Variants in KLF12 observed in about 807,000 individuals in gnomAD.
KLF12 encodes the protein KLF transcription factor 12.
In KLF12, 9 loss-of-function variants were observed where a neutral mutation model predicts 37.8. The observed-to-expected ratio is 0.24, with a 90% CI of 0.14 to 0.42. The LOEUF (loss-of-function observed/expected upper bound fraction) is 0.42. KLF12 is among the 10% of genes least tolerant of loss of function. The probability of loss-of-function intolerance (pLI) is 1.00; values close to 1 mark genes in which losing one functional copy is unlikely to be tolerated. For synonymous variants in KLF12, 208 were observed against 202.1 expected (o/e 1.03, Z -0.25); for missense variants, 411 against 516.0 (o/e 0.80, Z 1.97).
At chr13:73,771,596 G>C (rs921583185) in intron 5 of KLF12, among the ~76,000 whole-genome samples, 2 of 152,218 alleles carry the variant, frequency 1.3e-5, no homozygotes, top group African/African-American at 4.8e-5. Context: ...ATCAGTAATT[G>C]AACATTATTA....
Position 74,042,708 on chromosome 13 carries a change from G to C in KLF12, c.-31-47655C>G, listed in dbSNP as rs532466441. On this transcript the variant is annotated intron_variant, in intron 1 of 7. Transcript: ENST00000377669. ...TCCAAAAGGGTAATAAAATAATTCA[G>C]CAGGTCTTCATAAATATGAAATATT... 5.3e-5 allele frequency among the ~76,000 whole-genome samples: 8 copies of C among 152,286 alleles called. No homozygotes were observed. The East Asian group carries it at 1.4e-3, about 26-fold the overall frequency.
intron 3 of KLF12, among the ~76,000 whole-genome samples, chr13:73,861,806 T>C (rs1885940043): frequency 6.6e-6 from 1 of 152,178 alleles, no homozygotes; most frequent in Non-Finnish European, 1.5e-5. Context: ...TGAATACGGC[T>C]TAGGTACTGG....
At chr13:74,204,313 G>A in the KLF12 span, among the ~76,000 whole-genome samples, 2 of 152,114 alleles carry the variant, frequency 1.3e-5, no homozygotes, top group African/African-American at 4.8e-5. Flanking sequence ...TTGTATAAAT[G>A]TAAGGGTTAC....
chr13:74,172,895 T>C, the KLF12 span, among the ~76,000 whole-genome samples: 2 of 152,214 alleles, frequency 1.3e-5, no homozygotes, highest in Admixed American at 1.3e-4. Flanking sequence ...GATCAACATC[T>C]AAATATATAC....
intron 2 of KLF12, among the ~76,000 whole-genome samples, chr13:73,957,394 CA>C (rs758758985): frequency 5.1e-4 from 78 of 152,112 alleles, no homozygotes; most frequent in Non-Finnish European, 1.0e-3. Context: ...TTAGTTCAAG[CA>C]ATGGAAACTG....
chr13:74,156,945 G>T, the KLF12 span, among the ~76,000 whole-genome samples: 1 of 152,032 alleles, frequency 6.6e-6, no homozygotes, highest in Non-Finnish European at 1.5e-5. Context: ...AGGAGTGCAG[G>T]TATCTCTTCA....
the KLF12 span, among the ~76,000 whole-genome samples, chr13:74,144,826 A>C: frequency 6.6e-6 from 1 of 152,148 alleles, no homozygotes; most frequent in African/African-American, 2.4e-5. Context: ...ATCAATTATT[A>C]AATATTTTTC....
chr13:73,756,074 C>T (rs1181403964), intron 6 of KLF12, among the ~76,000 whole-genome samples: 1 of 152,020 alleles, frequency 6.6e-6, no homozygotes, highest in Non-Finnish European at 1.5e-5. Context: ...CAAGGTGATG[C>T]TATGAAGAGT....
chr13:73,707,146 T>C (rs891045320), intron 7 of KLF12, among the ~76,000 whole-genome samples: 1 of 152,132 alleles, frequency 6.6e-6, no homozygotes, highest in African/African-American at 2.4e-5. Flanking sequence ...AGACCAGATA[T>C]AAGGAAAAGC....
chr13:73,927,459 T>C (rs1172318261), intron 3 of KLF12, among the ~76,000 whole-genome samples: 2 of 152,216 alleles, frequency 1.3e-5, no homozygotes, highest in Admixed American at 6.5e-5. Context: ...ATCCAGCCCA[T>C]AACACCCTTT....
chr13:74,135,088 G>A (rs981501921), upstream of KLF12, among the ~76,000 whole-genome samples: 4 of 151,532 alleles, frequency 2.6e-5, no homozygotes, highest in African/African-American at 7.3e-5. Flanking sequence ...GGGCGCGGCA[G>A]GCAGGGGAGT....
intron 2 of KLF12, among the ~76,000 whole-genome samples, chr13:73,982,466 T>A (rs1243482196): frequency 6.6e-6 from 1 of 152,132 alleles, no homozygotes; most frequent in South Asian, 2.1e-4. Flanking sequence ...AAGACAACTG[T>A]CAGAAAGGAT....
intron 7 of KLF12, among the ~76,000 whole-genome samples, chr13:73,699,761 AT>A (rs1390763473): frequency 6.6e-6 from 1 of 152,180 alleles, no homozygotes; most frequent in Non-Finnish European, 1.5e-5. Flanking sequence ...TGTTTCTAAG[AT>A]GGCTATTTTA....
intron 6 of KLF12, among the ~76,000 whole-genome samples, chr13:73,722,430 A>G (rs932103274): frequency 3.3e-5 from 5 of 152,226 alleles, no homozygotes; most frequent in African/African-American, 1.2e-4. Flanking sequence ...AGTGCCTGTC[A>G]AACCATGTCA....
intron 6 of KLF12, among the ~76,000 whole-genome samples, chr13:73,733,530 AT>A (rs1197159831): frequency 1.3e-5 from 2 of 152,104 alleles, no homozygotes; most frequent in Non-Finnish European, 2.9e-5. Flanking sequence ...GCACGATCAT[AT>A]ACACACATGC....
At chr13:74,018,126 C>T (rs988239825) in intron 1 of KLF12, among the ~76,000 whole-genome samples, 1 of 151,426 alleles carries the variant, frequency 6.6e-6, no homozygotes, top group African/African-American at 2.4e-5. Flanking sequence ...CACGATTCAG[C>T]CATAATAAAG....
intron 3 of KLF12, among the ~76,000 whole-genome samples, chr13:73,848,203 C>T (rs554481865): frequency 6.6e-6 from 1 of 152,126 alleles, no homozygotes; most frequent in Admixed American, 6.6e-5. Flanking sequence ...TACTTAGACA[C>T]AAGATTCCTA....
intron 1 of KLF12, among the ~76,000 whole-genome samples, chr13:74,024,183 T>G (rs1482151577): frequency 1.3e-5 from 2 of 152,176 alleles, no homozygotes; most frequent in African/African-American, 2.4e-5. Context: ...ATATTCTAAT[T>G]TGGGGGATAC....
At chr13:74,151,282 A>G in the KLF12 span, among the ~76,000 whole-genome samples, 1 of 152,194 alleles carries the variant, frequency 6.6e-6, no homozygotes, top group African/African-American at 2.4e-5. Flanking sequence ...TTAAAACTAT[A>G]ATTACAACTA....
Sources: allele counts gnomAD v4.1 joint callset (sites outside exome capture counted in the v4.1 genomes callset), GRCh38; gene constraint gnomAD v4.1.1; transcripts MANE v1.5; gene names NCBI Gene and HGNC (gene_info 2026-07-23, HGNC 2026-07-21).